The following PITPNC1 variants were observed in gnomAD, a reference collection of about 807,000 sequenced individuals.
The protein encoded by PITPNC1 is cytoplasmic phosphatidylinositol transfer protein 1.
In PITPNC1, 18 loss-of-function variants were observed where a neutral mutation model predicts 44.7. The observed-to-expected ratio is 0.40, with a 90% CI of 0.28 to 0.60. The LOEUF (loss-of-function observed/expected upper bound fraction) is 0.60, where lower values mean the gene tolerates loss of function less well. Ranked by LOEUF, PITPNC1 falls within the 20% of genes least tolerant of loss-of-function variation. The probability of loss-of-function intolerance (pLI) is 0.39; values close to 1 mark genes in which losing one functional copy is unlikely to be tolerated. For missense variants in PITPNC1, 290 were observed against 418.4 expected (o/e 0.69, Z 2.68); for synonymous variants, 141 against 149.6 (o/e 0.94, Z 0.42).
chr17:67,593,700 A>AT (rs1287411399), intron 5 of PITPNC1, among the ~76,000 whole-genome samples: 12 of 152,008 alleles, frequency 7.9e-5, no homozygotes, highest in African/African-American at 2.9e-4. Context: ...TTTTTATATG[A>AT]TTTTTTATAT....
intron 6 of PITPNC1, among the ~76,000 whole-genome samples, chr17:67,648,827 T>C (rs1456872946): frequency 6.6e-6 from 1 of 152,118 alleles, no homozygotes; most frequent in Non-Finnish European, 1.5e-5. Context: ...AGTAGTATTC[T>C]GAGAGAATCA....
At chr17:67,447,606 A>T (rs1175185026) in intron 1 of PITPNC1, among the ~76,000 whole-genome samples, 1 of 151,630 alleles carries the variant, frequency 6.6e-6, no homozygotes, top group African/African-American at 2.4e-5. Context: ...GGCCCAAGTG[A>T]TCCTCCCACC....
chr17:67,425,186 TGCGCGCGCACGCACACGC>T (rs2038731964), intron 1 of PITPNC1, among the ~76,000 whole-genome samples: 1 of 55,724 alleles, frequency 1.8e-5, no homozygotes, highest in Non-Finnish European at 3.6e-5. Context: ...AGCCATGTTG[TGCGCGCGCACGCACACGC>T]ACACACACAC....
At chr17:67,478,992 G>C (rs1223619256) in intron 1 of PITPNC1, among the ~76,000 whole-genome samples, 2 of 151,922 alleles carry the variant, frequency 1.3e-5, no homozygotes, top group African/African-American at 4.8e-5. Flanking sequence ...GAGTGGAGAG[G>C]GCAGGCCAGG....
At chr17:67,449,580 C>T (rs1199441918) in intron 1 of PITPNC1, among the ~76,000 whole-genome samples, 1 of 152,172 alleles carries the variant, frequency 6.6e-6, no homozygotes, top group Non-Finnish European at 1.5e-5. Context: ...TCTGTCTTTA[C>T]CTTGACAAGA....
At chr17:67,586,846 G>A (rs1468753523) in intron 5 of PITPNC1, among the ~76,000 whole-genome samples, 2 of 152,198 alleles carry the variant, frequency 1.3e-5, no homozygotes, top group African/African-American at 4.8e-5. Flanking sequence ...TTAGTGAAAG[G>A]CAAGACTGGA....
At chr17:67,421,584 G>T (rs2038673997) in intron 1 of PITPNC1, among the ~76,000 whole-genome samples, 1 of 152,120 alleles carries the variant, frequency 6.6e-6, no homozygotes, top group African/African-American at 2.4e-5. Flanking sequence ...TACCAGGCTA[G>T]AATGGTAACT....
intron 1 of PITPNC1, among the ~76,000 whole-genome samples, chr17:67,511,132 A>G (rs944679985): frequency 6.6e-5 from 10 of 152,100 alleles, no homozygotes; most frequent in African/African-American, 1.9e-4. Flanking sequence ...CTTCCCCCAC[A>G]TAATTATGCA....
At chr17:67,550,026 G>C (rs992866760) in intron 2 of PITPNC1, among the ~76,000 whole-genome samples, 10 of 152,174 alleles carry the variant, frequency 6.6e-5, no homozygotes, top group Non-Finnish European at 1.3e-4. Context: ...ACGCGAGCCA[G>C]TGTAATTTTC....
intron 6 of PITPNC1, among the ~76,000 whole-genome samples, chr17:67,651,878 G>A (rs887747): frequency 0.18 from 27,932 of 152,102 alleles, 4,074 homozygotes; most frequent in African/African-American, 0.41. Flanking sequence ...CAAGTTCAAG[G>A]AATCCTACAT....
chr17:67,657,185 G>GTT (rs2042280866), intron 6 of PITPNC1, among the ~76,000 whole-genome samples: 1 of 145,498 alleles, frequency 6.9e-6, no homozygotes, highest in African/African-American at 2.5e-5. Context: ...GTTTTGTTTT[G>GTT]TTTTGTTTTT....
chr17:67,507,683 CAAAAAAAAA>C (rs59838492), intron 1 of PITPNC1, among the ~76,000 whole-genome samples: 2 of 79,498 alleles, frequency 2.5e-5, no homozygotes, highest in Non-Finnish European at 4.7e-5. Flanking sequence ...GACTTGGTCT[CAAAAAAAAA>C]AAAAAAAAAA....
At chr17:67,425,193 G>GCGCACACACACACA (rs1160522771) in intron 1 of PITPNC1, among the ~76,000 whole-genome samples, 2 of 52,118 alleles carry the variant, frequency 3.8e-5, no homozygotes, top group Admixed American at 2.0e-4. Flanking sequence ...TTGTGCGCGC[G>GCGCACACACACACA]CACGCACACG....
At chr17:67,540,579 T>C (rs1486356526) in intron 2 of PITPNC1, among the ~76,000 whole-genome samples, 1 of 152,226 alleles carries the variant, frequency 6.6e-6, no homozygotes, top group Non-Finnish European at 1.5e-5. Context: ...TGCATGTCTG[T>C]TACCTTTCTC....
intron 2 of PITPNC1, among the ~76,000 whole-genome samples, chr17:67,541,616 A>C (rs1467071081): frequency 6.6e-6 from 1 of 152,368 alleles, no homozygotes; most frequent in East Asian, 1.9e-4. Context: ...TCCACTAGTC[A>C]GAACATACTT....
At chr17:67,669,800 G>C (rs1339892669) in intron 7 of PITPNC1, 137 bp downstream of exon 7, 3 of 625,356 alleles carry the variant, frequency 4.8e-6, no homozygotes, top group East Asian at 5.9e-5. Flanking sequence ...GGCCGGTTGG[G>C]GTGGCCAACA....
chr17:67,523,394 C>A (rs572536163), intron 1 of PITPNC1, among the ~76,000 whole-genome samples: 1 of 152,134 alleles, frequency 6.6e-6, no homozygotes, highest in African/African-American at 2.4e-5. Flanking sequence ...AACAGATCTG[C>A]AAGTCACAGT....
chr17:67,400,244 G>A (rs4247361), intron 1 of PITPNC1, among the ~76,000 whole-genome samples: 45,344 of 152,110 alleles, frequency 0.3, 7,621 homozygotes, highest in Non-Finnish European at 0.39. Flanking sequence ...TTGTGTCATA[G>A]TCATAAAGGC....
rs2039373687 is a variant in PITPNC1, at chr17:67,463,418, C to T, written c.49-69384C>T. 1.3e-5 allele frequency among the ~76,000 whole-genome samples: 2 copies of T among 152,120 alleles called. 1 individual carries two copies. The highest frequency in any genetic ancestry group is 4.1e-4 in the South Asian group (2 of 4,832). Reference sequence around the variant, plus strand: ...TGATTGAGCTTTCTCTGAGCCCAAACTACCAATTCTTACAAGTGAAACAGG... The same window carrying T: ...TGATTGAGCTTTCTCTGAGCCCAAATTACCAATTCTTACAAGTGAAACAGG... On this transcript the variant is annotated intron_variant, in intron 1 of 8. Coordinates refer to ENST00000581322, the MANE Select transcript of PITPNC1 (RefSeq NM_012417.4).
Sources: allele counts gnomAD v4.1 joint callset (sites outside exome capture counted in the v4.1 genomes callset), GRCh38; gene constraint gnomAD v4.1.1; transcripts MANE v1.5; gene names NCBI Gene and HGNC (gene_info 2026-07-23, HGNC 2026-07-21).